The following CREB5 variants were observed in gnomAD, a reference collection of about 807,000 sequenced individuals.
CREB5 encodes the protein cAMP responsive element binding protein 5.
In CREB5, 19 loss-of-function variants were observed where a neutral mutation model predicts 57.1. The ratio of observed to expected loss-of-function variants is 0.33; its 90% confidence interval spans 0.23 to 0.49. CREB5 has a LOEUF of 0.49. CREB5 is among the 20% of genes least tolerant of loss of function. CREB5 has a pLI of 0.99. For missense variants in CREB5, 579 were observed against 671.6 expected (o/e 0.86, Z 1.52); for synonymous variants, 238 against 238.3 (o/e 1.00, Z 0.01).
intron 1 of CREB5, among the ~76,000 whole-genome samples, chr7:28,324,676 A>C (rs986103853): frequency 2.0e-5 from 3 of 152,150 alleles, no homozygotes; most frequent in African/African-American, 7.2e-5. Flanking sequence ...TCTTCAATAT[A>C]ATCTGCACAC....
chr7:28,498,186 G>T (rs1792130227), intron 3 of CREB5, among the ~76,000 whole-genome samples: 1 of 152,016 alleles, frequency 6.6e-6, no homozygotes, highest in Admixed American at 6.6e-5. Context: ...CTATCATGAA[G>T]ATGAATGATT....
At chr7:28,385,384 T>C (rs1449892243) in intron 1 of CREB5, among the ~76,000 whole-genome samples, 2 of 152,068 alleles carry the variant, frequency 1.3e-5, no homozygotes, top group African/African-American at 2.4e-5. Context: ...GTGGAAGAAG[T>C]ATGTATATGA....
At chr7:28,329,697 G>T (rs1343976390) in intron 1 of CREB5, among the ~76,000 whole-genome samples, 5 of 152,140 alleles carry the variant, frequency 3.3e-5, no homozygotes, top group African/African-American at 4.8e-5. Flanking sequence ...GCCATGAAAG[G>T]GTTCAGCTCT....
intron 5 of CREB5, among the ~76,000 whole-genome samples, chr7:28,600,667 A>G (rs1276234080): frequency 1.3e-5 from 2 of 152,204 alleles, no homozygotes; most frequent in South Asian, 2.1e-4. Context: ...GTTTATTTAT[A>G]TTCTATTACA....
At chr7:28,634,108 T>C (rs550436891) in intron 5 of CREB5, among the ~76,000 whole-genome samples, 1 of 152,324 alleles carries the variant, frequency 6.6e-6, no homozygotes, top group Non-Finnish European at 1.5e-5. Context: ...GTTTCCTAAG[T>C]GTGATCTTGG....
chr7:28,737,157 A>T (rs1804028394), intron 7 of CREB5, among the ~76,000 whole-genome samples: 1 of 152,154 alleles, frequency 6.6e-6, no homozygotes, highest in Non-Finnish European at 1.5e-5. Flanking sequence ...TATCATTAAC[A>T]ATAATGTTAA....
intron 1 of CREB5, among the ~76,000 whole-genome samples, chr7:28,459,835 A>G (rs1403439260): frequency 6.6e-6 from 1 of 152,214 alleles, no homozygotes; most frequent in Non-Finnish European, 1.5e-5. Context: ...CTGGCGCTGA[A>G]CACATGCTTC....
chr7:28,561,005 CGTGTGTGTGTGCGTGTGTGCGTGT>C (rs1417961157), intron 4 of CREB5, among the ~76,000 whole-genome samples: 765 of 26,898 alleles, frequency 0.028, 99 homozygotes, highest in African/African-American at 0.088. Flanking sequence ...CCTGCGTGTG[CGTGTGTGTGTGCGTGTGTGCGTGT>C]GTGTGTGTGT....
At chr7:28,560,927 TGC>T (rs1164947982) in intron 4 of CREB5, among the ~76,000 whole-genome samples, 606 of 57,518 alleles carry the variant, frequency 0.011, 50 homozygotes, top group African/African-American at 0.032. Context: ...TGTGTGCGCG[TGC>T]GTGTGTGCGT....
At chr7:28,481,698 A>T (rs1791339896) in intron 1 of CREB5, among the ~76,000 whole-genome samples, 1 of 152,188 alleles carries the variant, frequency 6.6e-6, no homozygotes, top group Non-Finnish European at 1.5e-5. Context: ...AGGAAACAAG[A>T]CCACAAGATC....
At chr7:28,645,650 A>G (rs1358477112) in intron 5 of CREB5, among the ~76,000 whole-genome samples, 1 of 152,228 alleles carries the variant, frequency 6.6e-6, no homozygotes, top group Non-Finnish European at 1.5e-5. Context: ...CAGTGTTTCT[A>G]TGATGCTGGT....
At chr7:28,622,818 C>T (rs1562532781) in intron 5 of CREB5, among the ~76,000 whole-genome samples, 1 of 151,986 alleles carries the variant, frequency 6.6e-6, no homozygotes, top group Non-Finnish European at 1.5e-5. Context: ...CCCATGGTTT[C>T]AAGACCAGCC....
At chr7:28,348,408 T>TCTCACACACACACA (rs1376338798) in intron 1 of CREB5, among the ~76,000 whole-genome samples, 30 of 118,248 alleles carry the variant, frequency 2.5e-4, no homozygotes, top group African/African-American at 9.5e-4. Flanking sequence ...TCTCTCTCTC[T>TCTCACACACACACA]CACACACACA....
In CREB5 at chr7:28,440,816, A is replaced by ATTTCT. The variant is rs144082300; in HGVS notation, c.3+27913_3+27917dup. 6.3e-3 allele frequency among the ~76,000 whole-genome samples: 958 copies of ATTTCT among 152,180 alleles called. 16 individuals carry two copies. The highest frequency in any genetic ancestry group is 0.022 in the African/African-American group (906 of 41,500). ...CATCAGGTGGCGTGGAGTTCAGTGGATTTCTTTTCTTTTCTTTTTGGCAAG... is the reference window on the plus strand; with the variant it reads ...CATCAGGTGGCGTGGAGTTCAGTGGATTTCTTTTCTTTTCTTTTCTTTTTGGCAAG... On this transcript the variant is annotated intron_variant, in intron 1 of 10. Coordinates refer to ENST00000357727, the MANE Select transcript of CREB5 (RefSeq NM_182898.4).
intron 7 of CREB5, among the ~76,000 whole-genome samples, chr7:28,751,967 TTGGG>T (rs1188131410): frequency 1.3e-5 from 2 of 152,186 alleles, no homozygotes; most frequent in African/African-American, 2.4e-5. Context: ...CAGTTTGTGT[TTGGG>T]TGATGTTTTC....
At chr7:28,401,287 C>T (rs950323123) in intron 1 of CREB5, among the ~76,000 whole-genome samples, 3 of 151,950 alleles carry the variant, frequency 2.0e-5, no homozygotes, top group African/African-American at 7.3e-5. Context: ...GTAGTGAATA[C>T]AATAATTCCC....
chr7:28,682,460 G>A (rs1382887060), intron 5 of CREB5, among the ~76,000 whole-genome samples: 2 of 152,134 alleles, frequency 1.3e-5, no homozygotes, highest in African/African-American at 4.8e-5. Context: ...GATGGTTATT[G>A]TAAATTAAAA....
chr7:28,813,336 C>T (rs1809239479), intron 9 of CREB5, among the ~76,000 whole-genome samples: 1 of 152,184 alleles, frequency 6.6e-6, no homozygotes, highest in African/African-American at 2.4e-5. Context: ...AGTAGAACGT[C>T]TGTGTTCAGT....
intron 5 of CREB5, among the ~76,000 whole-genome samples, chr7:28,673,566 T>C (rs771191401): frequency 6.6e-6 from 1 of 151,450 alleles, no homozygotes; most frequent in Non-Finnish European, 1.5e-5. Flanking sequence ...CTCATGCCCA[T>C]GGGCAATTTT....
Sources: allele counts gnomAD v4.1 joint callset (sites outside exome capture counted in the v4.1 genomes callset), GRCh38; gene constraint gnomAD v4.1.1; transcripts MANE v1.5; gene names NCBI Gene and HGNC (gene_info 2026-07-23, HGNC 2026-07-21).